The following PPA2 variants were observed in gnomAD, a reference collection of about 807,000 sequenced individuals.
PPA2 encodes the protein inorganic pyrophosphatase 2, mitochondrial.
Under a neutral mutation model 49.5 loss-of-function variants are expected in PPA2, and 48 were observed. That is an observed-to-expected ratio of 0.97 (90% confidence interval 0.77 to 1.23). The LOEUF is 1.23. Among genes scored for constraint, PPA2 ranks in the 50% most tolerant of loss-of-function variants. The pLI is 0.00. For missense variants in PPA2, 429 were observed against 410.1 expected (o/e 1.05, Z -0.40); for synonymous variants, 131 against 139.9 (o/e 0.94, Z 0.45).
intron 3 of PPA2, among the ~76,000 whole-genome samples, chr4:105,451,471 CT>C (rs1722673106): frequency 2.0e-5 from 3 of 152,206 alleles, no homozygotes. Context: ...TCTTAGCAAC[CT>C]TACATACAGT....
chr4:105,379,230 G>A (rs997581908), intron 10 of PPA2, among the ~76,000 whole-genome samples: 1 of 151,916 alleles, frequency 6.6e-6, no homozygotes, highest in African/African-American at 2.4e-5. Flanking sequence ...TTTTGCCAGA[G>A]TTATTCCTAA....
At chr4:105,412,411 A>G (rs2110252544) in intron 7 of PPA2, among the ~76,000 whole-genome samples, 1 of 152,296 alleles carries the variant, frequency 6.6e-6, no homozygotes, top group South Asian at 2.1e-4. Context: ...AATACCATTC[A>G]GGACATAGGC....
At chr4:105,449,530 C>A in intron 3 of PPA2, 127 bp from the exon 4 acceptor site, 1 of 550,482 alleles carries the variant, frequency 1.8e-6, no homozygotes, top group Non-Finnish European at 3.2e-6. Flanking sequence ...CTCCATCATA[C>A]ATCTACCTAT....
Position 105,377,078 on chromosome 4 carries a change from C to A in PPA2, c.940-6205G>T, listed in dbSNP as rs75740458. Reference sequence around the variant, plus strand: ...CAACTACTTTTCCCCTCCACTTGTTCCACCTCTTCTTCCTCCCTTTCTTCC... The same window carrying A: ...CAACTACTTTTCCCCTCCACTTGTTACACCTCTTCTTCCTCCCTTTCTTCC... On this transcript the variant is annotated intron_variant, in intron 10 of 11. Coordinates refer to ENST00000341695, the MANE Select transcript of PPA2 (RefSeq NM_176869.3). Among the ~76,000 whole-genome samples, 351 of 152,230 alleles carry A rather than the reference C, an allele frequency of 2.3e-3. 1 individual carries two copies. Among genetic ancestry groups the A allele is most frequent in the African/African-American group, 8.0e-3 (334 of 41,538 alleles).
intron 1 of PPA2, among the ~76,000 whole-genome samples, chr4:105,471,310 A>G (rs552178073): frequency 9.9e-5 from 15 of 152,248 alleles, no homozygotes; most frequent in African/African-American, 3.6e-4. Context: ...CCATCAGGAT[A>G]CCCTTTCCCC....
At chr4:105,380,078 T>C (rs572428543) in intron 10 of PPA2, among the ~76,000 whole-genome samples, 1 of 152,360 alleles carries the variant, frequency 6.6e-6, no homozygotes, top group Non-Finnish European at 1.5e-5. Context: ...TGCTTCTTTT[T>C]ATTGCCTTAT....
chr4:105,371,713 T>C (rs1331929310), intron 10 of PPA2, among the ~76,000 whole-genome samples: 2 of 152,186 alleles, frequency 1.3e-5, no homozygotes, highest in Non-Finnish European at 2.9e-5. Context: ...TGTACAAATA[T>C]ATATCTAAAT....
rs143082727 is a variant in PPA2, at chr4:105,431,027, T to G, written c.529-6705A>C. 2.4e-4 allele frequency among the ~76,000 whole-genome samples: 37 copies of G among 152,306 alleles called. No homozygotes were observed. In the East Asian group the frequency reaches 4.4e-3, roughly 18 times the overall value. The stretch of plus-strand genomic sequence containing the variant: ...TCATACCCCAAACTGAGCCAAAGCT[T>G]CTTCTCCTGCCAAACTGTACTAAGA... On this transcript the variant is annotated intron_variant, in intron 6 of 11. Transcript: ENST00000341695.
intron 7 of PPA2, among the ~76,000 whole-genome samples, chr4:105,413,028 G>A (rs1300306456): frequency 6.6e-6 from 1 of 152,178 alleles, no homozygotes; most frequent in Non-Finnish European, 1.5e-5. Flanking sequence ...AAAGACACAT[G>A]CACACGTATG....
intron 1 of PPA2, among the ~76,000 whole-genome samples, chr4:105,470,366 G>A (rs755053792): frequency 6.6e-6 from 1 of 152,210 alleles, no homozygotes; most frequent in Non-Finnish European, 1.5e-5. Context: ...CATGCCTGTA[G>A]TCCCAGCTAC....
At chr4:105,400,344 C>G (rs1243572226) in intron 7 of PPA2, among the ~76,000 whole-genome samples, 1 of 151,942 alleles carries the variant, frequency 6.6e-6, no homozygotes, top group African/African-American at 2.4e-5. Context: ...TAATCAATGC[C>G]CAAGATAAAT....
chr4:105,391,595 GC>G lies in PPA2; in HGVS notation c.869+4653del, dbSNP rs201356318. On this transcript the variant is annotated intron_variant, in intron 9 of 11. Coordinates refer to ENST00000341695, the MANE Select transcript of PPA2 (RefSeq NM_176869.3). ...AGGTATGTACAGCAGTGATACAACA[GC>G]CCAACAGAAATGAAACTGTGCAGAG... 2.1e-3 allele frequency among the ~76,000 whole-genome samples: 325 copies of G among 152,068 alleles called. 2 individuals are homozygous for G. Among genetic ancestry groups the G allele is most frequent in the Admixed American group, 0.016 (244 of 15,266 alleles).
intron 3 of PPA2, among the ~76,000 whole-genome samples, chr4:105,450,271 C>T (rs917101391): frequency 4.6e-5 from 7 of 152,058 alleles, no homozygotes; most frequent in South Asian, 4.1e-4. Context: ...GTCTGCAAAC[C>T]GATTGTTACT....
chr4:105,435,401 T>G (rs527319507), intron 6 of PPA2, among the ~76,000 whole-genome samples: 8 of 152,240 alleles, frequency 5.3e-5, no homozygotes, highest in African/African-American at 1.9e-4. Context: ...AGAGAACACT[T>G]GAGAGATGCT....
At chr4:105,443,105 C>A (rs1219734130) in intron 5 of PPA2, among the ~76,000 whole-genome samples, 1 of 151,872 alleles carries the variant, frequency 6.6e-6, no homozygotes, top group South Asian at 2.1e-4. Context: ...CAGCAGGTTA[C>A]AATTTGGCAG....
At chr4:105,469,018 C>A (rs1723419751) in intron 1 of PPA2, among the ~76,000 whole-genome samples, 1 of 152,162 alleles carries the variant, frequency 6.6e-6, no homozygotes, top group Admixed American at 6.5e-5. Context: ...TCATTAATAA[C>A]CATATCTCCA....
chr4:105,466,273 T>C (rs1723297273), intron 1 of PPA2, among the ~76,000 whole-genome samples: 2 of 152,010 alleles, frequency 1.3e-5, no homozygotes, highest in African/African-American at 4.8e-5. Flanking sequence ...TAAGTTTTCC[T>C]TAAATTCATT....
intron 10 of PPA2, among the ~76,000 whole-genome samples, chr4:105,385,144 T>C (rs966807422): frequency 5.9e-5 from 9 of 152,222 alleles, no homozygotes; most frequent in Non-Finnish European, 1.3e-4. Flanking sequence ...AGGCTGTGGC[T>C]GACTGCCTTT....
chr4:105,468,861 G>C (rs1013486210), intron 1 of PPA2, among the ~76,000 whole-genome samples: 1 of 152,136 alleles, frequency 6.6e-6, no homozygotes, highest in Admixed American at 6.5e-5. Flanking sequence ...TAATCCCCCT[G>C]TGTTAAGTTC....
Sources: gnomAD v4.1 joint callset for allele counts (sites outside exome capture counted in the v4.1 genomes callset) on GRCh38, gnomAD v4.1.1 for gene constraint, MANE v1.5 for transcripts, NCBI Gene and HGNC (gene_info 2026-07-23, HGNC 2026-07-21) for gene names.